Variants in BMP8A observed in about 807,000 individuals in gnomAD.
BMP8A encodes BMP-8A.
Under a neutral mutation model 36.8 loss-of-function variants are expected in BMP8A, and 14 were observed. The ratio of observed to expected loss-of-function variants is 0.38; its 90% CI spans 0.25 to 0.60. BMP8A has a LOEUF of 0.60. BMP8A is among the 20% of genes least tolerant of loss of function. The probability of loss-of-function intolerance (pLI) is 0.63; values close to 1 mark genes in which losing one functional copy is unlikely to be tolerated. For synonymous variants in BMP8A, 120 were observed against 237.7 expected (o/e 0.50, Z 4.55); for missense variants, 267 against 551.1 (o/e 0.48, Z 5.16).
intron 1 of BMP8A, among the ~76,000 whole-genome samples, chr1:39,508,425 C>T (rs765503032): frequency 1.3e-5 from 2 of 152,212 alleles, no homozygotes; most frequent in African/African-American, 2.4e-5. Flanking sequence ...CACTCCTATC[C>T]CACGGCCCCT....
intron 1 of BMP8A, among the ~76,000 whole-genome samples, chr1:39,500,070 C>T (rs1645240250): frequency 6.6e-6 from 1 of 152,318 alleles, no homozygotes; most frequent in East Asian, 1.9e-4. Flanking sequence ...CCTGTCACTC[C>T]AACCTCCTCA....
rs776950479 is a variant in BMP8A at position 39,492,173 on chromosome 1, G to A, written c.182G>A (p.Arg61His). ...VLGLPGRPRP[R>H]APPAASRLPA... is the part of the protein sequence containing the mutation. ...GGGCTACCCGGGCGGCCCCGGCCCCGCGCGCCACCCGCCGCCTCCCGGCTG... is the reference window on the plus strand; with the variant it reads ...GGGCTACCCGGGCGGCCCCGGCCCCACGCGCCACCCGCCGCCTCCCGGCTG... Residue 61 changes from arginine (R) to histidine (H), a missense_variant, in exon 1 of 7, where the codon CGC becomes CAC. Transcript: ENST00000331593. 3.1e-4 allele frequency: 411 copies of A among 1,318,406 alleles called. 1 individual carries two copies. Among genetic ancestry groups the A allele is most frequent in the Non-Finnish European group, 3.9e-4 (402 of 1,041,932 alleles). The allele number at this position is 1,318,406 out of a possible 1,614,324, so 81.7% of individuals were successfully genotyped here.
At chr1:39,497,758 C>A (rs1349502748) in intron 1 of BMP8A, among the ~76,000 whole-genome samples, 1 of 152,236 alleles carries the variant, frequency 6.6e-6, no homozygotes, top group South Asian at 2.1e-4. Context: ...TGCCCCCCAC[C>A]CCGTGGCAGG....
chr1:39,525,623 C>T (rs1645474952), intron 6 of BMP8A, 26 bp from the exon 7 acceptor site: 11 of 1,612,186 alleles, frequency 6.8e-6, no homozygotes, highest in Non-Finnish European at 9.3e-6. Context: ...GCCTCATGCC[C>T]CTGCCTGTGC....
Position 39,515,768 on chromosome 1 carries a change from C to G in BMP8A, c.673+3864C>G, listed in dbSNP as rs1276885860. On this transcript the variant is annotated intron_variant, in intron 3 of 6. Transcript: ENST00000331593. Reference sequence around the variant, plus strand: ...GATAAAGGGGCAGAAATACGAGAAACGAATTGAGCGCTTAACGATCCGGAA... The same window carrying G: ...GATAAAGGGGCAGAAATACGAGAAAGGAATTGAGCGCTTAACGATCCGGAA... The G allele has an allele frequency of 2.5e-6, 4 of 1,592,060 alleles. 1 individual carries two copies. The highest frequency in any genetic ancestry group is 3.4e-6 in the Non-Finnish European group (4 of 1,164,192).
At position 39,525,650 on chromosome 1, in the gene BMP8A, T is replaced by C; in HGVS notation, c.1061T>C (p.Val354Ala). 1 of 1,613,808 alleles carries C rather than the reference T, an allele frequency of 6.2e-7. No homozygotes were observed. The highest frequency in any genetic ancestry group is 2.2e-5 in the East Asian group (1 of 44,874). ...ATNHAILQSL[V>A]HLMKPNAVPK... ...TGCCTGTGCTCCCTTCCTGGCCAGG[T>C]GCACCTGATGAAGCCAAACGCAGTC... The change falls in exon 7 of 7, where the codon GTG becomes GCG. Residue 354 changes from valine to alanine, a missense_variant and splice_region_variant. Val to Ala is a moderately conservative substitution (Grantham distance 64). This residue lies in a region of BMP8A where 132 missense variants were observed against 151.3 expected (regional missense o/e 0.87). Coordinates refer to ENST00000331593, the MANE Select transcript of BMP8A (RefSeq NM_181809.4).
chr1:39,495,368 T>C (rs1296535969), intron 1 of BMP8A, among the ~76,000 whole-genome samples: 1 of 151,698 alleles, frequency 6.6e-6, no homozygotes, highest in African/African-American at 2.4e-5. Flanking sequence ...GAGCCTGCAC[T>C]GGGAGGCCAG....
chr1:39,517,141 A>G (rs899479593), intron 3 of BMP8A, among the ~76,000 whole-genome samples: 16 of 151,608 alleles, frequency 1.1e-4, no homozygotes, highest in African/African-American at 3.4e-4. Flanking sequence ...GCACATCACA[A>G]TGCCTGCTTA....
rs143938877 is a variant in BMP8A, at chr1:39,522,454, A to C, written c.920A>C (p.Tyr307Ser). ...CAGGTCTGCCGTCGGCACGAGCTCTACGTCAGCTTCCAGGACCTTGGCTGG... is the reference window on the plus strand; with the variant it reads ...CAGGTCTGCCGTCGGCACGAGCTCTCCGTCAGCTTCCAGGACCTTGGCTGG... ...GRQVCRRHEL[Y>S]VSFQDLGWLD... Residue 307 changes from tyrosine (Y) to serine (S), a missense_variant, in exon 5 of 7, where the codon TAC (tyrosine) becomes TCC (serine). Coordinates refer to ENST00000331593, the MANE Select transcript of BMP8A (RefSeq NM_181809.4). The C allele has an allele frequency of 2.2e-5, 36 of 1,613,698 alleles. No homozygotes were observed. The African/African-American group carries it at 4.8e-4, about 22-fold the overall frequency.
rs1405710692 is a variant in BMP8A at position 39,499,397 on chromosome 1, A to G, written c.334+7072A>G. The stretch of plus-strand genomic sequence containing the variant: ...GGGAGGGTCTGAGGGGAGATGGGAC[A>G]GGTCACAGGCCACAGGATTCTGCTC... On this transcript the variant is annotated intron_variant, in intron 1 of 6. Coordinates refer to ENST00000331593, the MANE Select transcript of BMP8A (RefSeq NM_181809.4). 5.9e-5 allele frequency among the ~76,000 whole-genome samples: 9 copies of G among 152,262 alleles called. No homozygotes were observed. In the East Asian group the frequency reaches 9.6e-4, roughly 16 times the overall value.
At chr1:39,509,224 T>C (rs1235139187) in intron 1 of BMP8A, among the ~76,000 whole-genome samples, 1 of 152,192 alleles carries the variant, frequency 6.6e-6, no homozygotes, top group East Asian at 1.9e-4. Flanking sequence ...AGCTGCTCCA[T>C]CACTGTCGCA....
At chr1:39,509,707 G>A (rs1298506336) in intron 1 of BMP8A, among the ~76,000 whole-genome samples, 3 of 152,186 alleles carry the variant, frequency 2.0e-5, no homozygotes, top group South Asian at 2.1e-4. Flanking sequence ...GCCTCGGCCC[G>A]CACAGCCTGG....
At chr1:39,495,010 TG>T (rs1645192770) in intron 1 of BMP8A, among the ~76,000 whole-genome samples, 1 of 2,700 alleles carries the variant, frequency 3.7e-4, no homozygotes, top group African/African-American at 2.3e-3. Flanking sequence ...TTACTGAGGC[TG>T]GGTGGGGCGG....
At position 39,491,872 on chromosome 1, in the gene BMP8A, C is replaced by A; in HGVS notation, c.-120C>A. On this transcript the variant is annotated 5_prime_UTR_variant, in exon 1 of 7. Transcript: ENST00000331593. ...GGGACCGCGCTGAGGCCGCAGACGC[C>A]GCCCGCCGAGCCCCGCCCCCTGCTC... 2.2e-6 allele frequency: 2 copies of A among 904,832 alleles called. No homozygotes were observed. Among genetic ancestry groups the A allele is most frequent in the Non-Finnish European group, 2.7e-6 (2 of 747,524 alleles). 56.1% of individuals were successfully genotyped at this position (904,832 alleles called of 1,614,324 possible).
In BMP8A at chr1:39,523,256, C is replaced by T. The variant is rs560591424; in HGVS notation, c.1059+139C>T. ...TTTGTCTGCACAGAGTCAGTAACGT[C>T]GCTAACTTCCCACAGCTCTGCAGGA... On this transcript the variant is annotated intron_variant, in intron 6 of 6. Transcript: ENST00000331593. 6.1e-5 allele frequency: 64 copies of T among 1,045,014 alleles called. No individual in the cohort carries two copies. In the East Asian group the frequency reaches 1.5e-3, roughly 24 times the overall value. The allele number at this position is 1,045,014 out of a possible 1,614,324, so 64.7% of individuals were successfully genotyped here. A position where few individuals can be genotyped will look rare whatever the true frequency, so the allele number is the denominator to read the frequency against.
chr1:39,514,882 C>G (rs1391250244), intron 3 of BMP8A: 3 of 1,387,806 alleles, frequency 2.2e-6, no homozygotes, highest in Non-Finnish European at 1.9e-6. Flanking sequence ...GGCGCCCGCC[C>G]TGCTCTGTGA....
chr1:39,495,793 CCTT>C (rs1251365967), intron 1 of BMP8A, among the ~76,000 whole-genome samples: 1 of 151,508 alleles, frequency 6.6e-6, no homozygotes, highest in East Asian at 1.9e-4. Context: ...TCTGCACACT[CCTT>C]CTGAATCCTT....
intron 3 of BMP8A, among the ~76,000 whole-genome samples, chr1:39,518,026 T>C (rs1218192751): frequency 6.6e-6 from 1 of 151,996 alleles, no homozygotes; most frequent in Non-Finnish European, 1.5e-5. Context: ...TGTGTGATGG[T>C]CCGTTGTAAC....
Position 39,525,668 on chromosome 1 carries a change from A to C in BMP8A, c.1079A>C (p.Asn360Thr). ...LQSLVHLMKP[N>T]AVPKACCAPT... ...GGCCAGGTGCACCTGATGAAGCCAA[A>C]CGCAGTCCCCAAGGCGTGCTGTGCA... The change falls in exon 7 of 7, where the codon AAC becomes ACC. Residue 360 changes from asparagine (N) to threonine (T), a missense_variant. This residue lies in a region of BMP8A where 132 missense variants were observed against 151.3 expected (regional missense o/e 0.87). Coordinates refer to ENST00000331593, the MANE Select transcript of BMP8A (RefSeq NM_181809.4). 6.2e-7 allele frequency: 1 copy of C among 1,614,058 alleles called. No homozygotes were observed. Among genetic ancestry groups the C allele is most frequent in the South Asian group, 1.1e-5 (1 of 91,084 alleles).
Sources: allele counts gnomAD v4.1 joint callset (sites outside exome capture counted in the v4.1 genomes callset), GRCh38; gene constraint gnomAD v4.1.1; regional missense constraint gnomAD v4.1.1; transcripts MANE v1.5; gene names NCBI Gene and HGNC (gene_info 2026-07-23, HGNC 2026-07-21).